Variants in MRPS6 observed in about 807,000 individuals in gnomAD.
MRPS6 encodes the protein mitochondrial ribosomal protein S6.
A neutral mutation model predicts 13.1 loss-of-function variants in MRPS6; 6 were observed. The observed-to-expected ratio is 0.46, with a 90% confidence interval of 0.25 to 0.91. The LOEUF (loss-of-function observed/expected upper bound fraction) is 0.91. MRPS6 is among the 40% of genes least tolerant of loss of function. The pLI, the probability that MRPS6 is intolerant of heterozygous loss-of-function variation, is 0.18. For missense variants in MRPS6, 164 were observed against 155.6 expected (o/e 1.05, Z -0.29); for synonymous variants, 61 against 56.5 (o/e 1.08, Z -0.36).
At chr21:34,141,115 G>A (rs903053791) in intron 2 of MRPS6, among the ~76,000 whole-genome samples, 1 of 152,166 alleles carries the variant, frequency 6.6e-6, no homozygotes, top group East Asian at 1.9e-4. Context: ...CTTCCTGTGA[G>A]AGCTCCACAT....
At chr21:34,095,071 T>G in intron 1 of MRPS6, 10 of 1,091,116 alleles carry the variant, frequency 9.2e-6, no homozygotes, top group Non-Finnish European at 1.2e-5. Context: ...ACAAAGACTT[T>G]GACCCTGCTG....
Position 34,112,421 on chromosome 21 carries a change from C to CT in MRPS6, c.46-12916dup, listed in dbSNP as rs1437636699. ...ACACGTTTATAGAAAGTAGCTGGAT[C>CT]TTTTCAAAAAAACAGTTTGAGATAA... On this transcript the variant is annotated intron_variant, in intron 1 of 2. Transcript: ENST00000399312. 1.1e-4 allele frequency among the ~76,000 whole-genome samples: 7 copies of CT among 66,354 alleles called. No homozygotes were observed. The East Asian group carries it at 2.2e-3, about 21-fold the overall frequency. 43.5% of individuals were successfully genotyped at this position (66,354 alleles called of 152,430 possible).
chr21:34,078,507 A>G lies in MRPS6; in HGVS notation c.45+4762A>G, dbSNP rs1055100746. 6.6e-5 allele frequency among the ~76,000 whole-genome samples: 10 copies of G among 152,170 alleles called. No individual in the cohort carries two copies. In the East Asian group the frequency reaches 1.7e-3, roughly 26 times the overall value. ...TTTTTTTTCTTAATTCATGACTCAC[A>G]CATTCAATACTGATGTTTCTAGATT... On this transcript the variant is annotated intron_variant, in intron 1 of 2. Coordinates refer to ENST00000399312, the MANE Select transcript of MRPS6 (RefSeq NM_032476.4).
chr21:34,107,917 G>A (rs1273464396), intron 1 of MRPS6, among the ~76,000 whole-genome samples: 1 of 152,176 alleles, frequency 6.6e-6, no homozygotes, highest in Non-Finnish European at 1.5e-5. Flanking sequence ...GTGGCTTGGA[G>A]TACTCACTGC....
At chr21:34,104,592 A>G in intron 1 of MRPS6, 1 of 1,000,072 alleles carries the variant, frequency 1.0e-6, no homozygotes, top group Non-Finnish European at 1.2e-6. Flanking sequence ...ATGTTTTAGA[A>G]GAGTTAACCT....
rs1569410291 is a variant in MRPS6, at chr21:34,073,638, T to C, written c.-63T>C. Reference sequence around the variant, plus strand: ...TTCTAGGTCCCCACTGTCCCCGCCGTCCCGCCCCTTCGCGTCCCGGGAACC... The same window carrying C: ...TTCTAGGTCCCCACTGTCCCCGCCGCCCCGCCCCTTCGCGTCCCGGGAACC... On this transcript the variant is annotated 5_prime_UTR_variant, in exon 1 of 3. Transcript: ENST00000399312. 3.5e-6 allele frequency: 5 copies of C among 1,436,950 alleles called. No individual in the cohort carries two copies. Among genetic ancestry groups the C allele is most frequent in the Non-Finnish European group, 4.7e-6 (5 of 1,057,342 alleles). 89.0% of individuals were successfully genotyped at this position (1,436,950 alleles called of 1,614,324 possible). A position where few individuals can be genotyped will look rare whatever the true frequency, so the allele number is the denominator to read the frequency against.
chr21:34,108,351 C>G (rs1404746308), intron 1 of MRPS6, among the ~76,000 whole-genome samples: 1 of 152,174 alleles, frequency 6.6e-6, no homozygotes, highest in Non-Finnish European at 1.5e-5. Context: ...CGGTTACTTA[C>G]AGTATTCCCT....
chr21:34,134,187 C>T (rs1980605746), intron 2 of MRPS6, among the ~76,000 whole-genome samples: 1 of 152,194 alleles, frequency 6.6e-6, no homozygotes, highest in Non-Finnish European at 1.5e-5. Context: ...TGGGTCATTG[C>T]AACCCTATTA....
At chr21:34,083,887 T>C (rs1312577743) in intron 1 of MRPS6, among the ~76,000 whole-genome samples, 1 of 152,214 alleles carries the variant, frequency 6.6e-6, no homozygotes, top group Non-Finnish European at 1.5e-5. Context: ...TTGGAAACTA[T>C]TGATAATTTC....
rs888243379 is a variant in MRPS6 at position 34,106,006 on chromosome 21, T to C, written c.46-19335T>C. On this transcript the variant is annotated intron_variant, in intron 1 of 2. Coordinates refer to ENST00000399312, the MANE Select transcript of MRPS6 (RefSeq NM_032476.4). Reference sequence around the variant, plus strand: ...TTTGAAAGTGTTATTGTTTAAAAAATGAAAAAAGCATATCTGCTAAAGAGC... The same window carrying C: ...TTTGAAAGTGTTATTGTTTAAAAAACGAAAAAAGCATATCTGCTAAAGAGC... 6 of 995,192 alleles carry C rather than the reference T, an allele frequency of 6.0e-6. No individual in the cohort carries two copies. In the African/African-American group the frequency reaches 7.0e-5, roughly 12 times the overall value. 61.6% of individuals were successfully genotyped at this position (995,192 alleles called of 1,614,324 possible).
At chr21:34,116,345 A>G (rs1212963987) in intron 1 of MRPS6, among the ~76,000 whole-genome samples, 1 of 140,318 alleles carries the variant, frequency 7.1e-6, no homozygotes. Flanking sequence ...TAATTTCTAT[A>G]GGTGTTTTTG....
intron 1 of MRPS6, chr21:34,101,004 T>A (rs1412697049): frequency 3.0e-6 from 3 of 1,000,068 alleles, no homozygotes; most frequent in African/African-American, 3.5e-5. Flanking sequence ...TGGAAAGGGA[T>A]CACATGGGTC....
Position 34,117,265 on chromosome 21 carries a change from A to T in MRPS6, c.46-8076A>T, listed in dbSNP as rs537855965. ...TGATTCTACCCCAAATATAAATTTC[A>T]TAAGAATTTTCTCCCTTCCTTTCGT... On this transcript the variant is annotated intron_variant, in intron 1 of 2. Transcript: ENST00000399312. Among the ~76,000 whole-genome samples the T allele has an allele frequency of 1.2e-4, 19 of 152,152 alleles. 1 individual carries two copies. Among genetic ancestry groups the T allele is most frequent in the Non-Finnish European group, 2.4e-4 (16 of 68,022 alleles).
intron 1 of MRPS6, chr21:34,122,290 C>T (rs1441389511): frequency 6.6e-6 from 1 of 152,118 alleles, no homozygotes; most frequent in Non-Finnish European, 1.5e-5. Context: ...AGATTTGGCC[C>T]AAGAGCCCTG....
chr21:34,107,111 T>C (rs760294361), intron 1 of MRPS6, among the ~76,000 whole-genome samples: 30 of 152,180 alleles, frequency 2.0e-4, no homozygotes, highest in African/African-American at 4.1e-4. Context: ...TTTGTACTTT[T>C]AGTAGAGATA....
chr21:34,112,034 T>C (rs993007487), intron 1 of MRPS6, among the ~76,000 whole-genome samples: 98 of 152,208 alleles, frequency 6.4e-4, no homozygotes, highest in African/African-American at 2.3e-3. Flanking sequence ...ATCTCTCCTT[T>C]TGACTAGTGG....
At chr21:34,076,142 G>GAT in intron 1 of MRPS6, among the ~76,000 whole-genome samples, 1 of 152,280 alleles carries the variant, frequency 6.6e-6, no homozygotes, top group Non-Finnish European at 1.5e-5. Context: ...CTTTAACAGC[G>GAT]GATATGGAAG....
At chr21:34,077,937 G>A (rs1989372828) in intron 1 of MRPS6, among the ~76,000 whole-genome samples, 1 of 152,210 alleles carries the variant, frequency 6.6e-6, no homozygotes, top group South Asian at 2.1e-4. Flanking sequence ...AAGTTAGGAT[G>A]TTCTGAAAGT....
intron 1 of MRPS6, among the ~76,000 whole-genome samples, chr21:34,088,769 A>T (rs1978528308): frequency 6.6e-6 from 1 of 152,214 alleles, no homozygotes; most frequent in Non-Finnish European, 1.5e-5. Flanking sequence ...TAAAATGGTC[A>T]TAATAATTGT....
Sources: gnomAD v4.1 joint callset for allele counts (sites outside exome capture counted in the v4.1 genomes callset) on GRCh38, gnomAD v4.1.1 for gene constraint, MANE v1.5 for transcripts, NCBI Gene and HGNC (gene_info 2026-07-23, HGNC 2026-07-21) for gene names.